CRTAM: variants seen among roughly 807,000 people sequenced by gnomAD.
CRTAM encodes the protein cytotoxic and regulatory T-cell molecule.
CRTAM carries 44 observed loss-of-function variants against 50.0 expected under a neutral mutation model. That is an observed-to-expected ratio of 0.88 (90% confidence interval 0.69 to 1.13). CRTAM has a LOEUF of 1.13. Among genes scored for constraint, CRTAM ranks in the 50% most tolerant of loss-of-function variants. The pLI, the probability that CRTAM is intolerant of heterozygous loss-of-function variation, is 0.00. For missense variants in CRTAM, 448 were observed against 457.5 expected (o/e 0.98, Z 0.19); for synonymous variants, 159 against 169.3 (o/e 0.94, Z 0.47).
intron 6 of CRTAM, among the ~76,000 whole-genome samples, chr11:122,863,993 A>T (rs1337882940): frequency 2.0e-5 from 3 of 152,194 alleles, no homozygotes; most frequent in African/African-American, 7.2e-5. Flanking sequence ...AAATCTGGAA[A>T]AAAAAACCAC....
intron 1 of CRTAM, among the ~76,000 whole-genome samples, chr11:122,846,217 A>G (rs762603566): frequency 6.6e-6 from 1 of 152,212 alleles, no homozygotes; most frequent in Non-Finnish European, 1.5e-5. Context: ...TGGGGATGAC[A>G]TTGAGAAACA....
intron 6 of CRTAM, among the ~76,000 whole-genome samples, chr11:122,863,583 A>G (rs1862127725): frequency 6.6e-6 from 1 of 152,204 alleles, no homozygotes. Flanking sequence ...ATAATATTTA[A>G]AAGTAAATGT....
chr11:122,863,303 AAAG>A (rs1862116898), intron 6 of CRTAM, among the ~76,000 whole-genome samples: 1 of 141,122 alleles, frequency 7.1e-6, no homozygotes, highest in African/African-American at 2.8e-5. Context: ...AGAAAGAGAG[AAAG>A]AAAAGAAAGA....
At chr11:122,862,605 T>A in intron 6 of CRTAM, 61 bp downstream of exon 6, 1 of 1,078,120 alleles carries the variant, frequency 9.3e-7, no homozygotes, top group South Asian at 1.4e-5. Context: ...GGAAGGTTAT[T>A]TTTCTCATTC....
chr11:122,849,438 C>T lies in CRTAM; in HGVS notation c.47-630C>T, dbSNP rs900157341. The stretch of plus-strand genomic sequence containing the variant: ...CTAGGGTTAGTTTGAAAATTAAATT[C>T]GGGTTGGGTGCTGTGGCTCACACCT... On this transcript the variant is annotated intron_variant, in intron 1 of 9. Transcript: ENST00000227348. Among the ~76,000 whole-genome samples the T allele has an allele frequency of 6.6e-5, 10 of 152,222 alleles. No homozygotes were observed. The South Asian group carries it at 8.3e-4, about 13-fold the overall frequency.
Position 122,854,034 on chromosome 11 carries a change from C to A in CRTAM, c.438C>A (p.Ser146Arg). The A allele has an allele frequency of 6.2e-7, 1 of 1,614,028 alleles. No individual in the cohort carries two copies. The highest frequency in any genetic ancestry group is 1.3e-5 in the African/African-American group (1 of 75,034). Residue 146 changes from serine to arginine, a missense_variant, in exon 4 of 10, where the codon AGC becomes AGA. By Grantham distance (110) the Ser-to-Arg change is moderately radical (BLOSUM62 -1). Transcript: ENST00000227348. ...TACTCATGTGCTCCACCATGAGAAGCAAGCCCCCTCCGCAGATAACCTGGC... is the reference window on the plus strand; with the variant it reads ...TACTCATGTGCTCCACCATGAGAAGAAAGCCCCCTCCGCAGATAACCTGGC... ...HVVLMCSTMR[S>R]KPPPQITWLL...
rs762904473 is a variant in CRTAM at position 122,867,418 on chromosome 11, C to A, written c.827C>A (p.Pro276His). 35 of 1,612,228 alleles carry A rather than the reference C, an allele frequency of 2.2e-5. No individual in the cohort carries two copies. In the South Asian group the frequency reaches 2.4e-4, roughly 11 times the overall value. ...QDPDLTTEAN[P>H]QYLGLARKKS... The stretch of plus-strand genomic sequence containing the variant: ...TTCATTTTCCTTATAGAAGCAAATC[C>A]TCAGTATTTAGGACTGGCAAGAAAG... Residue 276 changes from proline (P) to histidine (H), a missense_variant, in exon 8 of 10, where the codon CCT becomes CAT. Physicochemically the swap from Pro to His is moderately conservative, Grantham distance 77. Coordinates refer to ENST00000227348, the MANE Select transcript of CRTAM (RefSeq NM_019604.4).
chr11:122,855,495 G>T (rs892980791), intron 4 of CRTAM, among the ~76,000 whole-genome samples, 200 bp from the exon 5 acceptor site: 1 of 152,146 alleles, frequency 6.6e-6, no homozygotes, highest in African/African-American at 2.4e-5. Context: ...GTAGTGAAAA[G>T]TTTGTAGAAA....
chr11:122,864,718 C>T lies in CRTAM; in HGVS notation c.816C>T (p.Thr272=), dbSNP rs377230613. The T allele has an allele frequency of 3.1e-5, 49 of 1,603,090 alleles. 1 individual carries two copies. Among genetic ancestry groups the T allele is most frequent in the South Asian group, 2.3e-4 (21 of 90,806 alleles). Residue 272 remains threonine (T), a splice_region_variant and synonymous_variant, in exon 7 of 10, where the codon ACC becomes ACT. Coordinates refer to ENST00000227348, the MANE Select transcript of CRTAM (RefSeq NM_019604.4). ...EQTTQDPDLT[T]EANPQYLGLA... ...CCACTCAAGATCCTGACTTGACCAC[C>T]GGTAAGTGTCACCCACTGCATTTAG...
chr11:122,843,223 C>T (rs1861821313), intron 1 of CRTAM, among the ~76,000 whole-genome samples: 2 of 152,146 alleles, frequency 1.3e-5, no homozygotes, highest in African/African-American at 4.8e-5. Flanking sequence ...ACTGATAGGA[C>T]AATTAGTTCA....
At chr11:122,868,188 A>ATGTGTGTGTG (rs58440037) in intron 9 of CRTAM, 89 bp downstream of exon 9, 6,464 of 439,458 alleles carry the variant, frequency 0.015, 113 homozygotes, top group Non-Finnish European at 0.019. Flanking sequence ...ACAACAGAAT[A>ATGTGTGTGTG]TGTGTGTGTG....
chr11:122,853,798 A>G, intron 3 of CRTAM, 145 bp from the exon 4 acceptor site: 1 of 659,962 alleles, frequency 1.5e-6, no homozygotes. Flanking sequence ...AGCCTGGGCG[A>G]CGGAGACTAA....
At chr11:122,862,321 C>A (rs1446884550) in intron 5 of CRTAM, 143 bp from the exon 6 acceptor site, 3 of 631,814 alleles carry the variant, frequency 4.7e-6, no homozygotes, top group Non-Finnish European at 8.6e-6. Flanking sequence ...GAGCAGGAGC[C>A]ACAGAACACA....
intron 1 of CRTAM, among the ~76,000 whole-genome samples, chr11:122,843,220 G>A (rs1470264554): frequency 6.6e-6 from 1 of 152,168 alleles, no homozygotes; most frequent in Non-Finnish European, 1.5e-5. Context: ...TCCACTGATA[G>A]GACAATTAGT....
chr11:122,865,702 T>C (rs1255063393), intron 7 of CRTAM, among the ~76,000 whole-genome samples: 4 of 152,326 alleles, frequency 2.6e-5, no homozygotes, highest in African/African-American at 9.6e-5. Context: ...AAACTCAACA[T>C]TGCTAAATAC....
intron 6 of CRTAM, among the ~76,000 whole-genome samples, chr11:122,863,883 AG>A (rs1339901707): frequency 1.3e-5 from 2 of 152,090 alleles, no homozygotes; most frequent in Admixed American, 6.6e-5. Context: ...ATAGAATGGG[AG>A]GCTTCATTCC....
At chr11:122,851,919 C>G in intron 3 of CRTAM, 74 bp downstream of exon 3, 3 of 1,389,182 alleles carry the variant, frequency 2.2e-6, no homozygotes, top group Non-Finnish European at 3.0e-6. Context: ...TAAACTGAAC[C>G]TTTTAGTTTA....
At chr11:122,840,533 T>C (rs1861786116) in intron 1 of CRTAM, among the ~76,000 whole-genome samples, 1 of 152,172 alleles carries the variant, frequency 6.6e-6, no homozygotes, top group African/African-American at 2.4e-5. Context: ...AAAAGTCCTA[T>C]TTGAAAACTC....
At chr11:122,870,231 C>G (rs192613652) in intron 9 of CRTAM, among the ~76,000 whole-genome samples, 1 of 152,132 alleles carries the variant, frequency 6.6e-6, no homozygotes, top group African/African-American at 2.4e-5. Context: ...CAGGCACGCA[C>G]CACCACGCCC....
Sources: allele counts gnomAD v4.1 joint callset (sites outside exome capture counted in the v4.1 genomes callset), GRCh38; gene constraint gnomAD v4.1.1; transcripts MANE v1.5; gene names NCBI Gene and HGNC (gene_info 2026-07-23, HGNC 2026-07-21).